Variants in SSUH2 observed in about 807,000 individuals in gnomAD.
SSUH2 encodes the protein protein SSUH2 homolog.
In SSUH2, 47 loss-of-function variants were observed where a neutral mutation model predicts 55.3. The observed-to-expected ratio is 0.85, with a 90% CI of 0.67 to 1.08. SSUH2 has a LOEUF of 1.08. SSUH2 is among the 50% of genes least tolerant of loss of function. The pLI is 0.00. For synonymous variants in SSUH2, 212 were observed against 191.5 expected, an observed-to-expected ratio of 1.11 and a Z score of -0.89; for missense variants, 535 against 490.7, an observed-to-expected ratio of 1.09 and a Z score of -0.85.
At chr3:8,625,461 A>G in intron 10 of SSUH2, 81 bp downstream of exon 10, 1 of 831,482 alleles carries the variant, frequency 1.2e-6, no homozygotes, top group Non-Finnish European at 2.0e-6. Flanking sequence ...TGCAGCCTGC[A>G]CACACAGCTA....
In SSUH2 at chr3:8,644,796, A is replaced by AG; in HGVS notation, c.-39dup. 6.5e-7 allele frequency: 1 copy of AG among 1,534,416 alleles called. No homozygotes were observed. Among genetic ancestry groups the AG allele is most frequent in the Non-Finnish European group, 8.7e-7 (1 of 1,145,468 alleles). On this transcript the variant is annotated 5_prime_UTR_variant, in exon 1 of 12. Transcript: ENST00000544814. ...CTGCCAAAGAGATGTCTGCCCTTCG[A>AG]GTGTGCTTGGACCGATGTGCTCTGA...
chr3:8,675,533 G>C (rs1705143107), intron 3 of SSUH2, among the ~76,000 whole-genome samples: 1 of 152,222 alleles, frequency 6.6e-6, no homozygotes, highest in South Asian at 2.1e-4. Context: ...GCTCAGATCT[G>C]CCGACAGCAG....
intron 5 of SSUH2, among the ~76,000 whole-genome samples, chr3:8,667,214 T>C (rs965193294): frequency 7.2e-5 from 11 of 152,164 alleles, no homozygotes; most frequent in African/African-American, 2.7e-4. Context: ...GGATTGTTCA[T>C]GAGTTTTGCA....
chr3:8,630,754 G>T (rs1429604222), intron 6 of SSUH2, 51 bp downstream of exon 6: 2 of 1,330,284 alleles, frequency 1.5e-6, no homozygotes, highest in Admixed American at 3.0e-5. Flanking sequence ...TGCCTGGAAA[G>T]CCTCTCAGGG....
chr3:8,639,219 G>A (rs1430854654), intron 1 of SSUH2, among the ~76,000 whole-genome samples: 2 of 152,204 alleles, frequency 1.3e-5, no homozygotes, highest in Non-Finnish European at 2.9e-5. Context: ...CCACATTGCT[G>A]TTCCCATGGT....
chr3:8,679,291 A>T lies in SSUH2; in HGVS notation c.-901+414T>A, dbSNP rs573338650. On this transcript the variant is annotated intron_variant, in intron 2 of 18. Coordinates refer to the SSUH2 transcript ENST00000317371. Reference sequence around the variant, plus strand: ...TTTAGGACCCCCATCGGAGGGGGGGAGCCACCCCCCATGAGGCGGGGACTA... The same window carrying T: ...TTTAGGACCCCCATCGGAGGGGGGGTGCCACCCCCCATGAGGCGGGGACTA... Among the ~76,000 whole-genome samples the T allele has an allele frequency of 8.4e-5, 5 of 59,350 alleles. 2 individuals carry two copies. Among genetic ancestry groups the T allele is most frequent in the Non-Finnish European group, 1.8e-4 (5 of 27,440 alleles). 38.9% of individuals were successfully genotyped at this position (59,350 alleles called of 152,430 possible).
intron 3 of SSUH2, among the ~76,000 whole-genome samples, chr3:8,674,369 G>T (rs1704981691): frequency 6.6e-6 from 1 of 152,212 alleles, no homozygotes. Context: ...CCCCGGACAA[G>T]GAGGAAGGGG....
At chr3:8,624,860 A>T (rs1259699552) in intron 10 of SSUH2, among the ~76,000 whole-genome samples, 1 of 151,990 alleles carries the variant, frequency 6.6e-6, no homozygotes, top group Non-Finnish European at 1.5e-5. Context: ...TGCCCTGCTC[A>T]CTGCCCTCTG....
At chr3:8,644,494 G>A (rs1277062773) in intron 1 of SSUH2, among the ~76,000 whole-genome samples, 2 of 152,184 alleles carry the variant, frequency 1.3e-5, no homozygotes, top group Non-Finnish European at 2.9e-5. Flanking sequence ...GCTACAGGTA[G>A]GCTTTACACA....
At chr3:8,681,540 G>A (rs115328286) in intron 1 of SSUH2, among the ~76,000 whole-genome samples, 1,960 of 145,152 alleles carry the variant, frequency 0.014, 55 homozygotes, top group African/African-American at 0.047. Flanking sequence ...CTGGCTCTTC[G>A]GACCCCCATG....
chr3:8,679,404 A>G (rs1365479831), intron 2 of SSUH2, among the ~76,000 whole-genome samples: 2 of 125,102 alleles, frequency 1.6e-5, no homozygotes, highest in African/African-American at 5.6e-5. Flanking sequence ...ACTGAGAGCC[A>G]GCCCCTCTTC....
chr3:8,663,955 T>C, intron 5 of SSUH2: 1 of 398,944 alleles, frequency 2.5e-6, no homozygotes, highest in South Asian at 1.8e-5. Context: ...CAGTGAGGGA[T>C]TCTTTGGCTT....
At chr3:8,642,840 GA>G (rs375623972) in intron 1 of SSUH2, among the ~76,000 whole-genome samples, 10 of 151,254 alleles carry the variant, frequency 6.6e-5, no homozygotes, top group African/African-American at 1.2e-4. Context: ...GACACTTGGG[GA>G]AAAAAAAATC....
upstream of SSUH2, chr3:8,644,836 GC>G (rs2125282242): frequency 2.4e-6 from 3 of 1,261,504 alleles, no homozygotes; most frequent in Non-Finnish European, 3.3e-6. Context: ...CCACCCTCAG[GC>G]CCCTCCCAGA....
At position 8,625,582 on chromosome 3, in the gene SSUH2, T is replaced by C; in HGVS notation, c.833A>G (p.Lys278Arg). The change falls in exon 10 of 12, where the codon AAA (lysine) becomes AGA (arginine). Residue 278 changes from lysine (K) to arginine (R), a missense_variant. By Grantham distance (26) the Lys-to-Arg change is conservative. Coordinates refer to ENST00000544814, the MANE Select transcript of SSUH2 (RefSeq NM_001256748.3). Reference sequence around the variant, plus strand: ...CTTAAAGAGGTTTTCTCCTTTGGCTTTAGCAAGGAGCTCCCTGGGGCAGTT... The same window carrying C: ...CTTAAAGAGGTTTTCTCCTTTGGCTCTAGCAAGGAGCTCCCTGGGGCAGTT... ...RLNCPRELLA[K>R]AKGENLFKDE... The C allele has an allele frequency of 6.2e-7, 1 of 1,613,954 alleles. No individual in the cohort carries two copies. The highest frequency in any genetic ancestry group is 1.7e-5 in the Admixed American group (1 of 60,012).
At chr3:8,635,925 G>C in intron 1 of SSUH2, 68 bp from the exon 2 acceptor site, 1 of 1,371,670 alleles carries the variant, frequency 7.3e-7, no homozygotes, top group Non-Finnish European at 9.9e-7. Context: ...TTCACAGGAA[G>C]TTGAGAAATT....
At chr3:8,634,242 C>A (rs1575140904) in intron 3 of SSUH2, 1 of 610,820 alleles carries the variant, frequency 1.6e-6, no homozygotes, top group East Asian at 4.9e-5. Flanking sequence ...AAGACCCCAG[C>A]CAGGCACTGG....
At chr3:8,673,665 C>G (rs149582027) in intron 3 of SSUH2, among the ~76,000 whole-genome samples, 1 of 152,142 alleles carries the variant, frequency 6.6e-6, no homozygotes, top group African/African-American at 2.4e-5. Context: ...GAGGGCTCCA[C>G]GCAGCAACTA....
At chr3:8,628,984 T>G (rs1431213270) in intron 7 of SSUH2, among the ~76,000 whole-genome samples, 1 of 152,208 alleles carries the variant, frequency 6.6e-6, no homozygotes, top group Non-Finnish European at 1.5e-5. Flanking sequence ...GCCTCCTGAG[T>G]AGCTGGGACT....
Sources: allele counts gnomAD v4.1 joint callset (sites outside exome capture counted in the v4.1 genomes callset), GRCh38; gene constraint gnomAD v4.1.1; transcripts MANE v1.5; gene names NCBI Gene and HGNC (gene_info 2026-07-23, HGNC 2026-07-21).